Variants in WDFY3 observed in about 807,000 individuals in gnomAD.
The protein encoded by WDFY3 is WD repeat and FYVE domain containing 3, also known as WD repeat and FYVE domain-containing protein 3.
WDFY3 carries 66 observed loss-of-function variants against 409.6 expected under a neutral mutation model. The ratio of observed to expected loss-of-function variants is 0.16; its 90% CI spans 0.13 to 0.20. WDFY3 has a LOEUF of 0.20. Ranked by LOEUF, WDFY3 falls within the 10% of genes least tolerant of loss-of-function variation. The probability of loss-of-function intolerance (pLI) is 1.00; values close to 1 mark genes in which losing one functional copy is unlikely to be tolerated. For synonymous variants in WDFY3, 1,521 were observed against 1,537.1 expected (o/e 0.99, Z 0.25); for missense variants, 3,031 against 4,298.1 (o/e 0.71, Z 8.24).
At chr4:84,802,160 C>T (rs979411577) in intron 16 of WDFY3, among the ~76,000 whole-genome samples, 4 of 151,862 alleles carry the variant, frequency 2.6e-5, no homozygotes, top group African/African-American at 4.8e-5. Flanking sequence ...GTTGGCTAGG[C>T]TGGTCTCAAA....
At chr4:84,685,839 A>AT (rs2148813296) in intron 62 of WDFY3, among the ~76,000 whole-genome samples, 1 of 152,332 alleles carries the variant, frequency 6.6e-6, no homozygotes, top group Admixed American at 6.5e-5. Flanking sequence ...ACTGGCTCAA[A>AT]TAACAACTGG....
chr4:84,881,926 T>C (rs1005439069), intron 3 of WDFY3, among the ~76,000 whole-genome samples: 1 of 152,180 alleles, frequency 6.6e-6, no homozygotes, highest in African/African-American at 2.4e-5. Context: ...AGATCTACTT[T>C]TCTGTTTCTG....
rs955260274 is a variant in WDFY3, at chr4:84,919,384, C to T, written c.-132+12886G>A. Among the ~76,000 whole-genome samples, 3 of 152,078 alleles carry T rather than the reference C, an allele frequency of 2.0e-5. No homozygotes were observed. In the South Asian group the frequency reaches 6.2e-4, roughly 31 times the overall value. On this transcript the variant is annotated intron_variant, in intron 2 of 67. Coordinates refer to ENST00000295888, the MANE Select transcript of WDFY3 (RefSeq NM_014991.6). ...TTCAAGCAAGTATCATCAATGGATG[C>T]TACATACAGGGGATGAAATGTTATG...
intron 37 of WDFY3, among the ~76,000 whole-genome samples, chr4:84,742,619 C>T (rs1578326215): frequency 3.3e-5 from 5 of 152,168 alleles, no homozygotes; most frequent in Admixed American, 3.3e-4. Context: ...AGCATTACCA[C>T]CTGAGCTCCT....
intron 4 of WDFY3, among the ~76,000 whole-genome samples, chr4:84,856,214 T>TA (rs2150161249): frequency 1.3e-5 from 2 of 152,278 alleles, no homozygotes; most frequent in South Asian, 4.1e-4. Flanking sequence ...TGTAAGGGAT[T>TA]AAAAAAGGAC....
chr4:84,798,688 A>G (rs562015533), intron 17 of WDFY3, among the ~76,000 whole-genome samples: 119 of 152,306 alleles, frequency 7.8e-4, no homozygotes, highest in South Asian at 1.9e-3. Context: ...TCATAAAAAT[A>G]TGGAATCTGC....
At chr4:84,831,749 C>T in intron 7 of WDFY3, 144 bp from the exon 8 acceptor site, 1 of 664,944 alleles carries the variant, frequency 1.5e-6, no homozygotes, top group East Asian at 2.8e-5. Context: ...TGCTCAACAT[C>T]ACTAATCATC....
intron 2 of WDFY3, among the ~76,000 whole-genome samples, chr4:84,923,005 T>C (rs1476062830): frequency 6.6e-6 from 1 of 152,222 alleles, no homozygotes; most frequent in Non-Finnish European, 1.5e-5. Context: ...ACACATGCTG[T>C]GAGATCTTTG....
chr4:84,794,919 T>C lies in WDFY3; in HGVS notation c.3228A>G (p.Thr1076=). Residue 1076 remains threonine (T), a synonymous_variant, in exon 20 of 68, where the codon ACA becomes ACG. Transcript: ENST00000295888. ...TGACCACAGCCCCATCAATAAGACC[T>C]GTTGTGACGGTATTATTTGTAGGAG... The part of the protein sequence containing the change: ...HNAPTNNTVT[T]GLIDGAVVSG... The C allele has an allele frequency of 6.3e-7, 1 of 1,579,162 alleles. No homozygotes were observed. Among genetic ancestry groups the C allele is most frequent in the Non-Finnish European group, 8.6e-7 (1 of 1,167,428 alleles).
At chr4:84,742,122 C>T (rs1738539980) in intron 37 of WDFY3, among the ~76,000 whole-genome samples, 1 of 152,116 alleles carries the variant, frequency 6.6e-6, no homozygotes, top group South Asian at 2.1e-4. Context: ...CAGGATAAAG[C>T]GTTATGGATT....
At chr4:84,722,219 C>A (rs943335473) in intron 46 of WDFY3, among the ~76,000 whole-genome samples, 1 of 152,052 alleles carries the variant, frequency 6.6e-6, no homozygotes. Flanking sequence ...AAAACCCCGT[C>A]TCTACTAAAA....
intron 9 of WDFY3, among the ~76,000 whole-genome samples, chr4:84,827,532 T>C (rs1473479177): frequency 6.6e-6 from 1 of 152,106 alleles, no homozygotes; most frequent in African/African-American, 2.4e-5. Flanking sequence ...GCTGGCATAA[T>C]GCAAAAAGCA....
chr4:84,903,755 G>A (rs1184163694), intron 2 of WDFY3, among the ~76,000 whole-genome samples: 1 of 152,114 alleles, frequency 6.6e-6, no homozygotes, highest in African/African-American at 2.4e-5. Context: ...ACTGAGAAAA[G>A]CTGGACAAAA....
intron 44 of WDFY3, among the ~76,000 whole-genome samples, chr4:84,727,752 C>A (rs1488283775): frequency 6.6e-6 from 1 of 152,130 alleles, no homozygotes; most frequent in African/African-American, 2.4e-5. Flanking sequence ...TAAACATGAG[C>A]AGGCAAAATG....
intron 64 of WDFY3, among the ~76,000 whole-genome samples, chr4:84,680,807 C>G (rs1727224459): frequency 6.6e-6 from 1 of 152,190 alleles, no homozygotes; most frequent in Non-Finnish European, 1.5e-5. Context: ...TTAAGGTATA[C>G]AGGAGGGTGT....
chr4:84,954,269 C>T (rs554969538), intron 1 of WDFY3, among the ~76,000 whole-genome samples: 1 of 152,250 alleles, frequency 6.6e-6, no homozygotes, highest in South Asian at 2.1e-4. Flanking sequence ...ACTCATTACA[C>T]AAATAAATCA....
At chr4:84,691,057 A>G (rs1342764636) in intron 60 of WDFY3, among the ~76,000 whole-genome samples, 1 of 152,218 alleles carries the variant, frequency 6.6e-6, no homozygotes, top group Non-Finnish European at 1.5e-5. Context: ...ACAAAATGGA[A>G]TCGTGTTACA....
chr4:84,778,421 T>C (rs1745922959), intron 27 of WDFY3, 82 bp downstream of exon 27: 1 of 1,275,874 alleles, frequency 7.8e-7, no homozygotes, highest in Non-Finnish European at 1.0e-6. Flanking sequence ...AAACACATTT[T>C]AGAGATAAAA....
intron 2 of WDFY3, among the ~76,000 whole-genome samples, chr4:84,913,139 A>G (rs955105224): frequency 1.3e-5 from 2 of 152,194 alleles, no homozygotes; most frequent in Non-Finnish European, 2.9e-5. Flanking sequence ...GTCTACTTGA[A>G]CCCAAACACA....
Sources: gnomAD v4.1 joint callset for allele counts (sites outside exome capture counted in the v4.1 genomes callset) on GRCh38, gnomAD v4.1.1 for gene constraint, MANE v1.5 for transcripts, NCBI Gene and HGNC (gene_info 2026-07-23, HGNC 2026-07-21) for gene names.